The following KCND2 variants were observed in gnomAD, a reference collection of about 807,000 sequenced individuals.
The protein encoded by KCND2 is potassium voltage-gated channel subfamily D member 2, also known as A-type voltage-gated potassium channel KCND2.
A neutral mutation model predicts 54.4 loss-of-function variants in KCND2; 16 were observed. That is an observed-to-expected ratio of 0.29 (90% CI 0.20 to 0.45). The LOEUF is 0.45. Among genes scored for constraint, KCND2 ranks in the 20% least tolerant of loss-of-function variants. The probability of loss-of-function intolerance (pLI) is 1.00; values close to 1 mark genes in which losing one functional copy is unlikely to be tolerated. For missense variants in KCND2, 486 were observed against 824.2 expected, an observed-to-expected ratio of 0.59 and a Z score of 5.02; for synonymous variants, 317 against 310.7, an observed-to-expected ratio of 1.02 and a Z score of -0.21.
chr7:120,688,991 A>G (rs1445815195), intron 1 of KCND2, among the ~76,000 whole-genome samples: 1 of 152,032 alleles, frequency 6.6e-6, no homozygotes, highest in East Asian at 1.9e-4. Context: ...TCAAAAGAAG[A>G]CTCCACATAC....
intron 1 of KCND2, among the ~76,000 whole-genome samples, chr7:120,611,663 A>G (rs1268648756): frequency 6.6e-6 from 1 of 152,188 alleles, no homozygotes; most frequent in Non-Finnish European, 1.5e-5. Context: ...ATACCAATAT[A>G]AAAAGATTTC....
intron 1 of KCND2, among the ~76,000 whole-genome samples, chr7:120,349,572 G>T (rs1800372930): frequency 6.6e-6 from 1 of 152,224 alleles, no homozygotes; most frequent in Admixed American, 6.5e-5. Context: ...CATTCATGCT[G>T]ATAATTCAGA....
intron 1 of KCND2, among the ~76,000 whole-genome samples, chr7:120,725,422 A>G (rs1341677766): frequency 6.6e-6 from 1 of 152,200 alleles, no homozygotes; most frequent in Non-Finnish European, 1.5e-5. Context: ...CACCTTGAAA[A>G]TAGATAATTT....
chr7:120,627,609 A>G (rs1793179487), intron 1 of KCND2, among the ~76,000 whole-genome samples: 1 of 152,140 alleles, frequency 6.6e-6, no homozygotes, highest in African/African-American at 2.4e-5. Context: ...AGTCACATAT[A>G]TAAGCTTCCT....
chr7:120,619,208 G>C (rs529785350), intron 1 of KCND2, among the ~76,000 whole-genome samples: 7 of 152,280 alleles, frequency 4.6e-5, no homozygotes, highest in African/African-American at 1.7e-4. Flanking sequence ...AAGGCAGGTG[G>C]ATCACTTGTG....
At position 120,384,998 on chromosome 7, in the gene KCND2, C is replaced by CTTTTTTTTTT. The variant is rs372225817; in HGVS notation, c.1115+109266_1115+109275dup. Among the ~76,000 whole-genome samples the CTTTTTTTTTT allele has an allele frequency of 6.1e-5, 5 of 82,528 alleles. 1 individual carries two copies. The highest frequency in any genetic ancestry group is 4.8e-5 in the African/African-American group (1 of 20,654). 54.1% of individuals were successfully genotyped at this position (82,528 alleles called of 152,430 possible). On this transcript the variant is annotated intron_variant, in intron 1 of 5. Transcript: ENST00000331113. ...TGTAAACAAAGGCATTTGTATATAA[C>CTTTTTTTTTT]TTTTTTTTTTTTTTTTTTTTTTTTC...
intron 1 of KCND2, among the ~76,000 whole-genome samples, chr7:120,406,754 G>A (rs1209184518): frequency 1.3e-5 from 2 of 151,932 alleles, no homozygotes; most frequent in African/African-American, 4.8e-5. Context: ...TAAGAAGTGT[G>A]AGAAATGCCC....
At chr7:120,600,510 T>A (rs1792800907) in intron 1 of KCND2, among the ~76,000 whole-genome samples, 1 of 152,050 alleles carries the variant, frequency 6.6e-6, no homozygotes, top group South Asian at 2.1e-4. Context: ...CATTTCCAAA[T>A]GGACCTTAAA....
chr7:120,402,612 C>G (rs982050008), intron 1 of KCND2, among the ~76,000 whole-genome samples: 14 of 152,234 alleles, frequency 9.2e-5, no homozygotes, highest in African/African-American at 2.9e-4. Flanking sequence ...TCACATGCTT[C>G]TGTACCTGAG....
chr7:120,415,518 C>T (rs1456676381), intron 1 of KCND2, among the ~76,000 whole-genome samples: 1 of 152,048 alleles, frequency 6.6e-6, no homozygotes, highest in African/African-American at 2.4e-5. Flanking sequence ...TTTTTCTATA[C>T]CAAGGTAAAT....
intron 1 of KCND2, among the ~76,000 whole-genome samples, chr7:120,471,907 G>C (rs1439064572): frequency 5.9e-5 from 9 of 151,780 alleles, no homozygotes. Flanking sequence ...AGGGGTGATG[G>C]TATCATGAAT....
intron 1 of KCND2, among the ~76,000 whole-genome samples, chr7:120,325,614 C>G (rs563109367): frequency 1.3e-5 from 2 of 151,614 alleles, no homozygotes; most frequent in Non-Finnish European, 2.9e-5. Flanking sequence ...TATTGATTTG[C>G]GTATATTGAA....
At chr7:120,514,138 G>A (rs566702875) in intron 1 of KCND2, among the ~76,000 whole-genome samples, 1 of 152,012 alleles carries the variant, frequency 6.6e-6, no homozygotes, top group South Asian at 2.1e-4. Context: ...ATGCTTACAA[G>A]GTATAAGTTC....
At chr7:120,495,681 T>C (rs1802838124) in intron 1 of KCND2, among the ~76,000 whole-genome samples, 1 of 152,188 alleles carries the variant, frequency 6.6e-6, no homozygotes, top group African/African-American at 2.4e-5. Context: ...CTGCATGCAC[T>C]TATTCTGGCT....
intron 1 of KCND2, among the ~76,000 whole-genome samples, chr7:120,484,085 G>T (rs1378458214): frequency 6.6e-6 from 1 of 152,222 alleles, no homozygotes; most frequent in East Asian, 1.9e-4. Context: ...CCTGGAAGAC[G>T]CAAAGTGAGA....
At chr7:120,677,594 T>C (rs1274108790) in intron 1 of KCND2, among the ~76,000 whole-genome samples, 2 of 150,166 alleles carry the variant, frequency 1.3e-5, no homozygotes, top group Non-Finnish European at 3.0e-5. Context: ...TATAAAATAC[T>C]CAATGCTAAT....
intron 1 of KCND2, among the ~76,000 whole-genome samples, chr7:120,506,537 G>A (rs1289242593): frequency 1.3e-5 from 2 of 151,772 alleles, no homozygotes; most frequent in Non-Finnish European, 2.9e-5. Context: ...AACAGAAAAA[G>A]CTTTTGAGAC....
intron 1 of KCND2, among the ~76,000 whole-genome samples, chr7:120,437,369 AT>A (rs199618204): frequency 0.034 from 5,190 of 151,656 alleles, 112 homozygotes; most frequent in Non-Finnish European, 0.052. Context: ...TGCCCAGATA[AT>A]TTTTGTATTT....
At chr7:120,604,571 G>T (rs942875182) in intron 1 of KCND2, among the ~76,000 whole-genome samples, 1 of 149,944 alleles carries the variant, frequency 6.7e-6, no homozygotes, top group South Asian at 2.1e-4. Flanking sequence ...TTAAACTAAG[G>T]TAGTGTCTTT....
Sources: allele counts gnomAD v4.1 joint callset (sites outside exome capture counted in the v4.1 genomes callset), GRCh38; gene constraint gnomAD v4.1.1; transcripts MANE v1.5; gene names NCBI Gene and HGNC (gene_info 2026-07-23, HGNC 2026-07-21).